Variants in ASPRV1 observed in about 807,000 individuals in gnomAD.
ASPRV1 encodes aspartic peptidase retroviral like 1, also known as retroviral-like aspartic protease 1.
Under a neutral mutation model 11.0 loss-of-function variants are expected in ASPRV1, and 7 were observed. The ratio of observed to expected loss-of-function variants is 0.64; its 90% confidence interval spans 0.36 to 1.20. The LOEUF (loss-of-function observed/expected upper bound fraction) is 1.20. ASPRV1 is among the 50% of genes most tolerant of loss of function. The probability of loss-of-function intolerance (pLI) is 0.02; values close to 1 mark genes in which losing one functional copy is unlikely to be tolerated. For synonymous variants in ASPRV1, 136 were observed against 138.4 expected, an observed-to-expected ratio of 0.98 and a Z score of 0.12; for missense variants, 299 against 320.0, an observed-to-expected ratio of 0.93 and a Z score of 0.50.
At chr2:70,043,506 T>C in the ASPRV1 span, among the ~76,000 whole-genome samples, 5 of 152,218 alleles carry the variant, frequency 3.3e-5, no homozygotes, top group Admixed American at 1.3e-4. Context: ...ACAAAATTAG[T>C]GGACAAGGGG....
chr2:69,956,099 T>C (rs1030704186), downstream of ASPRV1, among the ~76,000 whole-genome samples: 2 of 152,178 alleles, frequency 1.3e-5, no homozygotes, highest in African/African-American at 4.8e-5. Context: ...CTTATGATGA[T>C]GGGGACACGT....
the ASPRV1 span, chr2:69,935,220 C>T: frequency 1.5e-6 from 1 of 660,612 alleles, no homozygotes; most frequent in Non-Finnish European, 2.7e-6. Flanking sequence ...GTTTATTCAG[C>T]AAAAGGTCAT....
the ASPRV1 span, among the ~76,000 whole-genome samples, chr2:69,986,148 C>T: frequency 6.6e-6 from 1 of 152,210 alleles, no homozygotes; most frequent in Non-Finnish European, 1.5e-5. Flanking sequence ...CCATATATGC[C>T]TGCCCATGAA....
chr2:70,077,850 T>A, the ASPRV1 span, among the ~76,000 whole-genome samples: 1 of 145,930 alleles, frequency 6.9e-6, no homozygotes, highest in Non-Finnish European at 1.5e-5. Flanking sequence ...AGCGAAACTC[T>A]GTCTCAAAAA....
the ASPRV1 span, among the ~76,000 whole-genome samples, chr2:70,073,883 C>G: frequency 6.6e-6 from 1 of 151,998 alleles, no homozygotes. Context: ...CCTGTAATCC[C>G]AGCACTTTGG....
At position 69,961,521 on chromosome 2, in the gene ASPRV1, A is replaced by G. The variant is rs1192754782; in HGVS notation, c.-85T>C. ...GCAGTGTCGGCGCAATCACGCTGGA[A>G]AACGGGGCCTCTCGAAGCAGAGTGG... On this transcript the variant is annotated 5_prime_UTR_variant, in exon 1 of 1. Transcript: ENST00000320256. 4 of 1,614,138 alleles carry G rather than the reference A, an allele frequency of 2.5e-6. No homozygotes were observed. Among genetic ancestry groups the G allele is most frequent in the Non-Finnish European group, 3.4e-6 (4 of 1,180,028 alleles).
the ASPRV1 span, among the ~76,000 whole-genome samples, chr2:70,086,782 G>A: frequency 2.6e-5 from 4 of 152,246 alleles, no homozygotes; most frequent in East Asian, 3.8e-4. Context: ...TATGTAAATG[G>A]ACGCCATTCT....
At chr2:69,977,084 C>T in the ASPRV1 span, among the ~76,000 whole-genome samples, 373 of 151,806 alleles carry the variant, frequency 2.5e-3, 1 homozygote, top group African/African-American at 8.6e-3. Context: ...CCCAGCTACT[C>T]GGGAGGCTGA....
the ASPRV1 span, among the ~76,000 whole-genome samples, chr2:69,989,113 A>G: frequency 3.3e-5 from 5 of 152,110 alleles, no homozygotes; most frequent in Admixed American, 6.5e-5. Flanking sequence ...TAGGGCCCAG[A>G]GGGCAGGGCT....
chr2:70,066,246 T>G, the ASPRV1 span, among the ~76,000 whole-genome samples: 2 of 152,006 alleles, frequency 1.3e-5, no homozygotes, highest in African/African-American at 4.8e-5. Flanking sequence ...TAACATCATT[T>G]TTTTTTTTTG....
chr2:69,994,951 G>A, the ASPRV1 span, among the ~76,000 whole-genome samples: 2 of 149,654 alleles, frequency 1.3e-5, no homozygotes, highest in East Asian at 2.0e-4. Context: ...GCAGTGAGCC[G>A]AGATCGCGCC....
At chr2:69,954,110 T>C in the ASPRV1 span, among the ~76,000 whole-genome samples, 1 of 152,256 alleles carries the variant, frequency 6.6e-6, no homozygotes, top group African/African-American at 2.4e-5. Context: ...CATCTCATGA[T>C]GCAGATGCCA....
chr2:69,952,648 T>A, the ASPRV1 span, among the ~76,000 whole-genome samples: 3 of 152,150 alleles, frequency 2.0e-5, no homozygotes, highest in Non-Finnish European at 2.9e-5. Flanking sequence ...GATTGCCACA[T>A]AAGCAAGCTG....
the ASPRV1 span, among the ~76,000 whole-genome samples, chr2:69,993,011 T>G: frequency 7.2e-5 from 11 of 152,320 alleles, no homozygotes; most frequent in South Asian, 2.3e-3. Flanking sequence ...ATACCTGGCT[T>G]TTCTTTGAGA....
At chr2:70,044,810 G>A in the ASPRV1 span, among the ~76,000 whole-genome samples, 1 of 152,128 alleles carries the variant, frequency 6.6e-6, no homozygotes, top group Non-Finnish European at 1.5e-5. Flanking sequence ...TCACACAACA[G>A]GTGCCACCAG....
the ASPRV1 span, among the ~76,000 whole-genome samples, chr2:70,034,441 CAT>C: frequency 1.3e-5 from 2 of 151,126 alleles, no homozygotes; most frequent in Non-Finnish European, 3.0e-5. Flanking sequence ...CGTGGTGGCG[CAT>C]GCCTGTAGTC....
the ASPRV1 span, among the ~76,000 whole-genome samples, chr2:70,085,200 C>T: frequency 6.6e-6 from 1 of 152,142 alleles, no homozygotes; most frequent in African/African-American, 2.4e-5. Flanking sequence ...CTGACGGAAG[C>T]AAGTCAGTCA....
At chr2:70,044,651 G>A in the ASPRV1 span, among the ~76,000 whole-genome samples, 2 of 151,964 alleles carry the variant, frequency 1.3e-5, no homozygotes, top group Non-Finnish European at 2.9e-5. Flanking sequence ...TAGAGACGGG[G>A]TTTCTCCATG....
the ASPRV1 span, among the ~76,000 whole-genome samples, chr2:70,029,094 G>A: frequency 1.3e-5 from 2 of 152,170 alleles, no homozygotes; most frequent in African/African-American, 2.4e-5. Flanking sequence ...GGACTGGTGT[G>A]ATGTCATTCG....
Sources: allele counts gnomAD v4.1 joint callset (sites outside exome capture counted in the v4.1 genomes callset), GRCh38; gene constraint gnomAD v4.1.1; transcripts MANE v1.5; gene names NCBI Gene and HGNC (gene_info 2026-07-23, HGNC 2026-07-21).